The following CHIA variants were observed in gnomAD, a reference collection of about 807,000 sequenced individuals.
CHIA encodes the protein chitinase acidic.
A neutral mutation model predicts 53.5 loss-of-function variants in CHIA; 47 were observed. That is an observed-to-expected ratio of 0.88 (90% CI 0.70 to 1.12). CHIA has a LOEUF of 1.12. Among genes scored for constraint, CHIA ranks in the 50% most tolerant of loss-of-function variants. The pLI is 0.00. For synonymous variants in CHIA, 268 were observed against 222.2 expected, an observed-to-expected ratio of 1.21 and a Z score of -1.83; for missense variants, 652 against 592.2, an observed-to-expected ratio of 1.10 and a Z score of -1.05.
At chr1:111,298,159 C>G (rs1206218637) in intron 1 of CHIA, among the ~76,000 whole-genome samples, 1 of 152,116 alleles carries the variant, frequency 6.6e-6, no homozygotes, top group Admixed American at 6.5e-5. Flanking sequence ...ACTTTAACAA[C>G]CCACTGCCAA....
At chr1:111,311,578 A>T in intron 2 of CHIA, 111 bp from the exon 3 acceptor site, 2 of 1,237,892 alleles carry the variant, frequency 1.6e-6, no homozygotes, top group Non-Finnish European at 2.4e-6. Context: ...ACCAAATCTC[A>T]CTGAGGTTGT....
At chr1:111,307,640 C>CTT (rs1174506255) in intron 1 of CHIA, among the ~76,000 whole-genome samples, 8 of 140,760 alleles carry the variant, frequency 5.7e-5, no homozygotes, top group East Asian at 2.0e-4. Flanking sequence ...TTCATTTTTA[C>CTT]TTTTTTTTTT....
At position 111,319,168 on chromosome 1, in the gene CHIA, C is replaced by T; in HGVS notation, c.964C>T (p.Gln322Ter). The change falls in exon 10 of 12, where the codon CAG (glutamine) becomes TAG (stop). Residue 322 changes from glutamine (Q) to a stop codon, truncating the protein, a stop_gained. Coordinates refer to ENST00000369740, the MANE Select transcript of CHIA (RefSeq NM_201653.4). LOFTEE classifies it high-confidence loss of function. ...AGCCACTCAGGGATGGGATGCCCCT[C>T]AGGAAGTGCCTTATGCCTATCAGGG... ...NGATQGWDAP[Q>*]EVPYAYQGNV... The T allele has an allele frequency of 1.2e-6, 2 of 1,614,214 alleles. No individual in the cohort carries two copies. Among genetic ancestry groups the T allele is most frequent in the East Asian group, 4.5e-5 (2 of 44,884 alleles).
At chr1:111,299,874 T>C (rs986288892) in intron 1 of CHIA, among the ~76,000 whole-genome samples, 20 of 152,164 alleles carry the variant, frequency 1.3e-4, no homozygotes, top group Non-Finnish European at 2.5e-4. Flanking sequence ...ACGATCAACT[T>C]CAACAAAGTC....
intron 1 of CHIA, among the ~76,000 whole-genome samples, chr1:111,304,296 T>C (rs903537126): frequency 2.0e-5 from 3 of 152,204 alleles, no homozygotes; most frequent in African/African-American, 7.2e-5. Context: ...TGGGAAGTGT[T>C]AGGCCATTAT....
intron 1 of CHIA, among the ~76,000 whole-genome samples, chr1:111,305,287 C>T (rs750282029): frequency 6.6e-6 from 1 of 152,142 alleles, no homozygotes; most frequent in South Asian, 2.1e-4. Context: ...AAGAATGGTG[C>T]CAACCCTTTA....
At chr1:111,293,721 T>C (rs961635836) in intron 1 of CHIA, among the ~76,000 whole-genome samples, 4 of 152,228 alleles carry the variant, frequency 2.6e-5, no homozygotes, top group Non-Finnish European at 5.9e-5. Flanking sequence ...TACTTTTACA[T>C]CTTACATTTA....
chr1:111,299,636 T>C (rs573940207), intron 1 of CHIA, among the ~76,000 whole-genome samples: 10 of 152,302 alleles, frequency 6.6e-5, no homozygotes, highest in Non-Finnish European at 1.0e-4. Context: ...AATATCACAC[T>C]GAATGGGCAA....
chr1:111,301,868 C>T (rs1306018910), intron 1 of CHIA, among the ~76,000 whole-genome samples: 20 of 151,346 alleles, frequency 1.3e-4, no homozygotes, highest in Non-Finnish European at 4.4e-5. Flanking sequence ...AACACTTGGA[C>T]GTAGGGCAGG....
intron 2 of CHIA, among the ~76,000 whole-genome samples, chr1:111,311,143 A>C (rs1400452114): frequency 6.6e-6 from 1 of 152,236 alleles, no homozygotes; most frequent in Admixed American, 6.5e-5. Flanking sequence ...CCTCAAGCTC[A>C]ATTTATAAAA....
intron 5 of CHIA, chr1:111,314,804 G>A: frequency 1.9e-6 from 1 of 530,348 alleles, no homozygotes; most frequent in Non-Finnish European, 3.3e-6. Flanking sequence ...GTGGACATTT[G>A]GGGGCCCTAT....
At chr1:111,319,284 C>T in intron 10 of CHIA, 43 bp from the exon 11 acceptor site, 1 of 1,614,010 alleles carries the variant, frequency 6.2e-7, no homozygotes, top group Non-Finnish European at 8.5e-7. Flanking sequence ...GCCCTGAGTC[C>T]CAGGAAAGCA....
chr1:111,292,849 CT>C (rs542141672), intron 1 of CHIA, among the ~76,000 whole-genome samples: 1 of 152,110 alleles, frequency 6.6e-6, no homozygotes, highest in Non-Finnish European at 1.5e-5. Context: ...TATTATCTGT[CT>C]TTTTGGACTG....
At chr1:111,304,778 T>C (rs1243876536) in intron 1 of CHIA, among the ~76,000 whole-genome samples, 1 of 152,204 alleles carries the variant, frequency 6.6e-6, no homozygotes. Context: ...TTGAATGAGC[T>C]ATACTTTCTT....
intron 2 of CHIA, among the ~76,000 whole-genome samples, chr1:111,310,912 T>C (rs1009688623): frequency 6.6e-6 from 1 of 152,262 alleles, no homozygotes; most frequent in Non-Finnish European, 1.5e-5. Context: ...GATAGAGTTA[T>C]GCAAGTTGTC....
rs1649011765 is a variant in CHIA, at chr1:111,314,820, G to C, written c.314+224G>C. On this transcript the variant is annotated intron_variant, in intron 5 of 11. Transcript: ENST00000369740. ...TGGACATTTGGGGGCCCTATCCACA[G>C]AGGTTTACTTACTGAGGTTCCCAAA... 3 of 514,808 alleles carry C rather than the reference G, an allele frequency of 5.8e-6. No homozygotes were observed. In the South Asian group the frequency reaches 8.4e-5, roughly 14 times the overall value. 31.9% of individuals were successfully genotyped at this position (514,808 alleles called of 1,614,324 possible).
chr1:111,313,960 C>G (rs2786148), intron 4 of CHIA, among the ~76,000 whole-genome samples: 82,881 of 151,894 alleles, frequency 0.55, 23,157 homozygotes, highest in South Asian at 0.63. Context: ...TTGAAGTGTG[C>G]TCCATTGACT....
intron 10 of CHIA, 36 bp from the exon 11 acceptor site, chr1:111,319,291 A>C: frequency 6.2e-7 from 1 of 1,614,090 alleles, no homozygotes; most frequent in Non-Finnish European, 8.5e-7. Context: ...GTCCCAGGAA[A>C]GCAAGTGATT....
intron 1 of CHIA, among the ~76,000 whole-genome samples, chr1:111,292,019 T>C (rs1661055203): frequency 2.0e-5 from 3 of 152,162 alleles, no homozygotes; most frequent in Admixed American, 2.0e-4. Context: ...ATCTTAAAAA[T>C]AGTAATTGTA....
Sources: allele counts gnomAD v4.1 joint callset (sites outside exome capture counted in the v4.1 genomes callset), GRCh38; gene constraint gnomAD v4.1.1; transcripts MANE v1.5; gene names NCBI Gene and HGNC (gene_info 2026-07-23, HGNC 2026-07-21).